TMEM217B: variants seen among roughly 807,000 people sequenced by gnomAD.
The protein encoded by TMEM217B is putative transmembrane protein 217B.
At chr6:37,241,099 C>CTT in the TMEM217B span, among the ~76,000 whole-genome samples, 73 of 132,890 alleles carry the variant, frequency 5.5e-4, 1 homozygote, top group African/African-American at 1.3e-3. Flanking sequence ...AAGTATTACT[C>CTT]TTTTTTTTTT....
chr6:37,239,525 A>C, the TMEM217B span, among the ~76,000 whole-genome samples: 4 of 152,106 alleles, frequency 2.6e-5, no homozygotes, highest in Non-Finnish European at 5.9e-5. Flanking sequence ...AAATTCTAAG[A>C]TATGAGAAAG....
At chr6:37,234,307 C>T in the TMEM217B span, among the ~76,000 whole-genome samples, 2 of 152,208 alleles carry the variant, frequency 1.3e-5, no homozygotes, top group African/African-American at 4.8e-5. Flanking sequence ...TCCATGTTGG[C>T]CAGGCTGGTC....
the TMEM217B span, among the ~76,000 whole-genome samples, chr6:37,213,571 C>T: frequency 1.3e-5 from 2 of 152,278 alleles, no homozygotes; most frequent in Non-Finnish European, 2.9e-5. Flanking sequence ...CCAGGCAAGA[C>T]TCTGCCCAGG....
At chr6:37,225,186 C>T in the TMEM217B span, among the ~76,000 whole-genome samples, 8 of 151,360 alleles carry the variant, frequency 5.3e-5, no homozygotes, top group African/African-American at 1.9e-4. Context: ...GGTGACAGAG[C>T]GAGACTCTGA....
the TMEM217B span, chr6:37,218,636 A>C: frequency 6.2e-7 from 1 of 1,614,076 alleles, no homozygotes; most frequent in African/African-American, 1.3e-5. Context: ...ACGAGACACC[A>C]AGCCAAACCA....
the TMEM217B span, among the ~76,000 whole-genome samples, chr6:37,233,912 T>C: frequency 1.3e-5 from 2 of 152,200 alleles, no homozygotes; most frequent in South Asian, 4.1e-4. Flanking sequence ...CATACAGCCA[T>C]TCTGATTTTC....
At chr6:37,241,099 CTTTT>C in the TMEM217B span, among the ~76,000 whole-genome samples, 2 of 132,866 alleles carry the variant, frequency 1.5e-5, no homozygotes. Flanking sequence ...AAGTATTACT[CTTTT>C]TTTTTTTTTT....
the TMEM217B span, among the ~76,000 whole-genome samples, chr6:37,229,229 C>A: frequency 6.6e-6 from 1 of 150,942 alleles, no homozygotes; most frequent in South Asian, 2.1e-4. Context: ...AACAACTATT[C>A]AGCATTTAGT....
At chr6:37,229,337 T>TTTTG in the TMEM217B span, among the ~76,000 whole-genome samples, 35 of 119,646 alleles carry the variant, frequency 2.9e-4, no homozygotes, top group African/African-American at 1.1e-3. Flanking sequence ...AACTTTCAGT[T>TTTTG]TTTTTTTTTT....
At chr6:37,253,235 A>G in the TMEM217B span, among the ~76,000 whole-genome samples, 1 of 152,132 alleles carries the variant, frequency 6.6e-6, no homozygotes, top group Non-Finnish European at 1.5e-5. Flanking sequence ...AATTTACATA[A>G]CTTCTTCTCA....
the TMEM217B span, among the ~76,000 whole-genome samples, chr6:37,230,740 C>T: frequency 6.6e-6 from 1 of 152,110 alleles, no homozygotes; most frequent in Non-Finnish European, 1.5e-5. Flanking sequence ...GTTATAGAAG[C>T]CCTAGCAAAC....
At chr6:37,231,666 C>T in the TMEM217B span, among the ~76,000 whole-genome samples, 2 of 132,596 alleles carry the variant, frequency 1.5e-5, no homozygotes, top group East Asian at 4.3e-4. Flanking sequence ...AGTGAGACTC[C>T]ATCTCAAAAA....
At chr6:37,241,929 GTTGTCT>G in the TMEM217B span, among the ~76,000 whole-genome samples, 2 of 151,494 alleles carry the variant, frequency 1.3e-5, no homozygotes, top group African/African-American at 4.9e-5. Flanking sequence ...GCTTTATCGC[GTTGTCT>G]TTATTTTCAA....
chr6:37,238,741 GGAT>G, the TMEM217B span, among the ~76,000 whole-genome samples: 2 of 152,328 alleles, frequency 1.3e-5, no homozygotes, highest in South Asian at 4.1e-4. Flanking sequence ...AGTAGGCTAA[GGAT>G]GCCAACATGA....
the TMEM217B span, chr6:37,215,136 C>CT: frequency 6.3e-7 from 1 of 1,598,870 alleles, no homozygotes; most frequent in Non-Finnish European, 8.5e-7. Context: ...TAATAATGGC[C>CT]TAACTTCCCT....
the TMEM217B span, chr6:37,218,426 C>A: frequency 6.3e-7 from 1 of 1,598,146 alleles, no homozygotes. Flanking sequence ...ATCCACCTAC[C>A]TCTGCCTCTC....
the TMEM217B span, among the ~76,000 whole-genome samples, chr6:37,246,012 G>T: frequency 6.6e-6 from 1 of 152,046 alleles, no homozygotes; most frequent in Non-Finnish European, 1.5e-5. Context: ...ATGTTGGTCA[G>T]GCTGGTCTCG....
chr6:37,256,782 A>T, the TMEM217B span, among the ~76,000 whole-genome samples: 2 of 152,154 alleles, frequency 1.3e-5, no homozygotes, highest in South Asian at 2.1e-4. Flanking sequence ...CCACCTCAAC[A>T]GTCCTTCGAA....
At chr6:37,230,685 G>A in the TMEM217B span, among the ~76,000 whole-genome samples, 14 of 152,114 alleles carry the variant, frequency 9.2e-5, no homozygotes, top group Non-Finnish European at 1.9e-4. Flanking sequence ...TTCAAGAACT[G>A]TGAGAAAATT....
Sources: allele counts gnomAD v4.1 joint callset (sites outside exome capture counted in the v4.1 genomes callset), GRCh38; gene constraint gnomAD v4.1.1; transcripts MANE v1.5; gene names NCBI Gene and HGNC (gene_info 2026-07-23, HGNC 2026-07-21).